The following DGKB variants were observed in gnomAD, a reference collection of about 807,000 sequenced individuals.
DGKB encodes the protein 90 kDa diacylglycerol kinase.
Under a neutral mutation model 114.3 loss-of-function variants are expected in DGKB, and 67 were observed. That is an observed-to-expected ratio of 0.59 (90% CI 0.48 to 0.72). The LOEUF (loss-of-function observed/expected upper bound fraction) is 0.72. DGKB is among the 30% of genes least tolerant of loss of function. The probability of loss-of-function intolerance (pLI) is 0.00; values close to 1 mark genes in which losing one functional copy is unlikely to be tolerated. For synonymous variants in DGKB, 398 were observed against 323.1 expected (o/e 1.23, Z -2.49); for missense variants, 907 against 975.2 (o/e 0.93, Z 0.93).
At position 14,339,373 on chromosome 7, in the gene DGKB, A is replaced by C. The variant is rs988266714; in HGVS notation, c.1927-663T>G. ...TATGGAGGGCCGGGTAGATTGATTG[A>C]GGGAAATAGTAGCAGTCAAAAGACC... is the stretch of plus-strand genomic sequence containing the variant. On this transcript the variant is annotated intron_variant, in intron 22 of 25. Transcript: ENST00000402815. Among the ~76,000 whole-genome samples the C allele has an allele frequency of 4.4e-4, 14 of 32,082 alleles. No homozygotes were observed. In the African/African-American group the frequency reaches 5.5e-3, roughly 13 times the overall value. The allele number at this position is 32,082 out of a possible 152,430, so 21.0% of individuals were successfully genotyped here. A position where few individuals can be genotyped will look rare whatever the true frequency, so the allele number is the denominator to read the frequency against.
chr7:14,495,288 T>C (rs1785138217), intron 20 of DGKB, among the ~76,000 whole-genome samples: 1 of 151,876 alleles, frequency 6.6e-6, no homozygotes, highest in Non-Finnish European at 1.5e-5. Context: ...CTAAATACAC[T>C]GCCATTATAA....
chr7:14,486,618 A>G (rs1341599032), intron 20 of DGKB, among the ~76,000 whole-genome samples: 4 of 152,184 alleles, frequency 2.6e-5, no homozygotes, highest in Non-Finnish European at 4.4e-5. Context: ...AAAGAGGGCA[A>G]GGGAACTTTG....
At chr7:14,696,251 T>C (rs918483457) in intron 8 of DGKB, among the ~76,000 whole-genome samples, 8 of 151,416 alleles carry the variant, frequency 5.3e-5, no homozygotes, top group African/African-American at 1.9e-4. Context: ...CCCAGCACTT[T>C]GGGAGGCCGA....
chr7:14,457,099 A>C (rs757226198), intron 21 of DGKB, among the ~76,000 whole-genome samples: 1 of 152,184 alleles, frequency 6.6e-6, no homozygotes, highest in Non-Finnish European at 1.5e-5. Context: ...AGCTTTGTCA[A>C]ATAAAGTCTT....
intron 20 of DGKB, among the ~76,000 whole-genome samples, chr7:14,502,477 T>C (rs770560663): frequency 5.3e-5 from 8 of 152,080 alleles, no homozygotes; most frequent in Non-Finnish European, 1.2e-4. Context: ...CATTACACTT[T>C]GAAGTCACAT....
intron 25 of DGKB, among the ~76,000 whole-genome samples, chr7:14,169,739 G>T (rs1780565371): frequency 6.6e-6 from 1 of 151,962 alleles, no homozygotes; most frequent in Non-Finnish European, 1.5e-5. Flanking sequence ...GGCTGCAGTG[G>T]GAAGCAAAAT....
At chr7:14,310,155 G>A (rs546122399) in intron 23 of DGKB, among the ~76,000 whole-genome samples, 3 of 152,202 alleles carry the variant, frequency 2.0e-5, no homozygotes, top group South Asian at 2.1e-4. Flanking sequence ...TAGAAATCCC[G>A]CAAGATAAAT....
intron 23 of DGKB, among the ~76,000 whole-genome samples, chr7:14,313,876 G>A (rs1220476990): frequency 2.0e-5 from 3 of 152,218 alleles, no homozygotes; most frequent in African/African-American, 4.8e-5. Flanking sequence ...AGACTTAAAT[G>A]CCCCTGTCTG....
chr7:14,421,772 C>T (rs545065899), intron 21 of DGKB, among the ~76,000 whole-genome samples: 11 of 152,086 alleles, frequency 7.2e-5, no homozygotes, highest in African/African-American at 2.2e-4. Context: ...ACAAAGAGCA[C>T]TGATGTAATT....
At chr7:14,516,774 C>T (rs915214126) in intron 20 of DGKB, among the ~76,000 whole-genome samples, 4 of 152,008 alleles carry the variant, frequency 2.6e-5, no homozygotes, top group African/African-American at 9.7e-5. Flanking sequence ...AGCTTTTAGG[C>T]AGAGACTATG....
intron 4 of DGKB, among the ~76,000 whole-genome samples, chr7:14,749,512 C>G (rs1266001594): frequency 2.0e-5 from 3 of 152,070 alleles, no homozygotes; most frequent in Non-Finnish European, 2.9e-5. Context: ...AAAGATAATG[C>G]TACTACATTC....
At chr7:14,184,512 C>A (rs1163259697) in intron 23 of DGKB, among the ~76,000 whole-genome samples, 2 of 152,064 alleles carry the variant, frequency 1.3e-5, no homozygotes, top group Admixed American at 1.3e-4. Flanking sequence ...GGCTTTCCCC[C>A]ACTTCCCTGA....
At chr7:14,304,093 T>TCACACC (rs1333705120) in intron 23 of DGKB, among the ~76,000 whole-genome samples, 1 of 57,520 alleles carries the variant, frequency 1.7e-5, no homozygotes, top group African/African-American at 6.0e-5. Flanking sequence ...ACACACTCTC[T>TCACACC]CTCTCTCACC....
chr7:14,698,571 T>C (rs183496068), intron 7 of DGKB, among the ~76,000 whole-genome samples: 1 of 152,114 alleles, frequency 6.6e-6, no homozygotes, highest in East Asian at 1.9e-4. Context: ...AACTGAGAAG[T>C]CTATTTTTAT....
At chr7:14,172,250 G>C (rs1781114271) in intron 25 of DGKB, among the ~76,000 whole-genome samples, 1 of 152,182 alleles carries the variant, frequency 6.6e-6, no homozygotes, top group South Asian at 2.1e-4. Context: ...ATCAGACAGA[G>C]AGTAACTAAA....
At chr7:14,784,839 T>C (rs930227779) in intron 2 of DGKB, among the ~76,000 whole-genome samples, 16 of 152,136 alleles carry the variant, frequency 1.1e-4, no homozygotes, top group African/African-American at 3.9e-4. Flanking sequence ...TTTTTTTTAA[T>C]GTTTTTTTGG....
intron 20 of DGKB, among the ~76,000 whole-genome samples, chr7:14,567,982 T>C (rs1414305870): frequency 1.3e-5 from 2 of 152,122 alleles, no homozygotes; most frequent in African/African-American, 4.8e-5. Context: ...TTTTGTTTAA[T>C]TAAACAAGTG....
In DGKB at chr7:14,330,993, T is replaced by G. The variant is rs1222425031; in HGVS notation, c.2122+7522A>C. ...TTTTTACAAACTTCAAAATTATAAC[T>G]TAAAAAAAATCTTAGTGCCATCACA... On this transcript the variant is annotated intron_variant, in intron 23 of 25. Transcript: ENST00000402815. Among the ~76,000 whole-genome samples the G allele has an allele frequency of 2.6e-5, 4 of 151,976 alleles. No individual in the cohort carries two copies. The South Asian group carries it at 8.3e-4, about 31-fold the overall frequency.
rs1455906646 is a variant in DGKB at position 14,149,318 on chromosome 7, T to C, written c.2305-80A>G. 3.0e-6 allele frequency: 3 copies of C among 997,798 alleles called. No homozygotes were observed. In the East Asian group the frequency reaches 7.3e-5, roughly 24 times the overall value. The allele number at this position is 997,798 out of a possible 1,614,324, so 61.8% of individuals were successfully genotyped here. A position where few individuals can be genotyped will look rare whatever the true frequency, so the allele number is the denominator to read the frequency against. The stretch of plus-strand genomic sequence containing the variant: ...TACAATACCAATTTGTGAGACTCTC[T>C]GTTAAGGTTAATAATATTTCATGAG... On this transcript the variant is annotated intron_variant, in intron 25 of 25. Transcript: ENST00000402815.
Sources: gnomAD v4.1 joint callset for allele counts (sites outside exome capture counted in the v4.1 genomes callset) on GRCh38, gnomAD v4.1.1 for gene constraint, MANE v1.5 for transcripts, NCBI Gene and HGNC (gene_info 2026-07-23, HGNC 2026-07-21) for gene names.